The following SPIDR variants were observed in gnomAD, a reference collection of about 807,000 sequenced individuals.
The protein encoded by SPIDR is scaffold protein involved in DNA repair.
In SPIDR, 93 loss-of-function variants were observed where a neutral mutation model predicts 104.6. The observed-to-expected ratio is 0.89, with a 90% CI of 0.75 to 1.06. The LOEUF (loss-of-function observed/expected upper bound fraction) is 1.06. Ranked by LOEUF, SPIDR falls within the 50% of genes least tolerant of loss-of-function variation. The pLI is 0.00. For synonymous variants in SPIDR, 431 were observed against 416.9 expected (o/e 1.03, Z -0.41); for missense variants, 1,154 against 1,111.2 (o/e 1.04, Z -0.55).
chr8:47,393,461 T>C (rs1254273636), intron 5 of SPIDR, among the ~76,000 whole-genome samples: 2 of 152,120 alleles, frequency 1.3e-5, no homozygotes, highest in Admixed American at 6.6e-5. Context: ...TCTGAGGTTG[T>C]TGGCTCCTGC....
At chr8:47,422,363 G>A (rs554666281) in intron 7 of SPIDR, among the ~76,000 whole-genome samples, 2 of 152,302 alleles carry the variant, frequency 1.3e-5, no homozygotes, top group Admixed American at 1.3e-4. Flanking sequence ...TCAGACTGCT[G>A]TGCTAGCAAT....
intron 2 of SPIDR, among the ~76,000 whole-genome samples, chr8:47,282,537 C>T (rs1219374171): frequency 3.9e-5 from 6 of 152,342 alleles, no homozygotes; most frequent in African/African-American, 1.4e-4. Context: ...CTTTTCTTCT[C>T]CAGCTTCTTC....
At position 47,290,041 on chromosome 8, in the gene SPIDR, T is replaced by TTG. The variant is rs782547183; in HGVS notation, c.257-977_257-976dup. Among the ~76,000 whole-genome samples, 1,493 of 151,728 alleles carry TTG rather than the reference T, an allele frequency of 9.8e-3. 11 individuals are homozygous for TTG. The highest frequency in any genetic ancestry group is 0.016 in the Non-Finnish European group (1,073 of 67,854). On this transcript the variant is annotated intron_variant, in intron 3 of 19. Coordinates refer to ENST00000297423, the MANE Select transcript of SPIDR (RefSeq NM_001080394.4). The stretch of plus-strand genomic sequence containing the variant: ...TAGTGATTTTATTTATATAACCTTT[T>TTG]TGTGTGTGTGTGTGTGAGATGGAGT...
Position 47,320,357 on chromosome 8 carries a change from A to G in SPIDR, c.525+26327A>G, listed in dbSNP as rs557427577. Among the ~76,000 whole-genome samples the G allele has an allele frequency of 3.1e-3, 466 of 152,336 alleles. 1 individual carries two copies. The highest frequency in any genetic ancestry group is 0.011 in the African/African-American group (452 of 41,576). On this transcript the variant is annotated intron_variant, in intron 5 of 19. Transcript: ENST00000297423. ...AAACTAGAAAATCTAGAAGAAATGG[A>G]TACATTCCTGGACACATACACCCTC...
At chr8:47,513,559 A>G (rs937376873) in intron 8 of SPIDR, among the ~76,000 whole-genome samples, 10 of 152,226 alleles carry the variant, frequency 6.6e-5, no homozygotes, top group South Asian at 2.1e-4. Flanking sequence ...ACTTCCTGTT[A>G]TACATTGAAA....
chr8:47,398,757 G>C (rs2061519501), intron 6 of SPIDR, among the ~76,000 whole-genome samples: 1 of 152,228 alleles, frequency 6.6e-6, no homozygotes. Context: ...AGGAGATCCA[G>C]TGCTGGGCGA....
intron 10 of SPIDR, among the ~76,000 whole-genome samples, chr8:47,608,331 A>C (rs919142372): frequency 6.6e-6 from 1 of 152,122 alleles, no homozygotes; most frequent in Non-Finnish European, 1.5e-5. Flanking sequence ...ACCATATTTT[A>C]TTTCTCTTTT....
At chr8:47,598,863 T>A (rs2061929595) in intron 9 of SPIDR, 83 bp from the exon 10 acceptor site, 1 of 1,548,348 alleles carries the variant, frequency 6.5e-7, no homozygotes, top group Non-Finnish European at 8.8e-7. Flanking sequence ...ATGTCATTAT[T>A]TGGTGTGCAG....
At chr8:47,388,843 C>T (rs79293074) in intron 5 of SPIDR, among the ~76,000 whole-genome samples, 4,702 of 152,288 alleles carry the variant, frequency 0.031, 205 homozygotes, top group African/African-American at 0.1. Context: ...GGAAACGGAG[C>T]CAGTATTGAA....
intron 5 of SPIDR, among the ~76,000 whole-genome samples, chr8:47,377,455 G>A (rs910571894): frequency 1.3e-5 from 2 of 152,174 alleles, no homozygotes; most frequent in Non-Finnish European, 2.9e-5. Context: ...AGGAGACCAG[G>A]CACAAGCCTC....
At chr8:47,295,274 G>C (rs1191305096) in intron 5 of SPIDR, among the ~76,000 whole-genome samples, 1 of 152,002 alleles carries the variant, frequency 6.6e-6, no homozygotes, top group Non-Finnish European at 1.5e-5. Flanking sequence ...TGTCATTTCT[G>C]TGTCTATTTG....
At chr8:47,594,264 A>G (rs1159559715) in intron 8 of SPIDR, among the ~76,000 whole-genome samples, 1 of 146,548 alleles carries the variant, frequency 6.8e-6, no homozygotes, top group African/African-American at 2.5e-5. Context: ...AGTCCCAGCT[A>G]TTTGGGAGGC....
rs922168814 is a variant in SPIDR at position 47,735,762 on chromosome 8, C to T, written c.*312C>T. ...ATATGAGAAAAAAATTTTTTTTGTT[C>T]ATTTGTAATTTTAACAAGTTGAACA... On this transcript the variant is annotated 3_prime_UTR_variant, in exon 20 of 20. Coordinates refer to ENST00000297423, the MANE Select transcript of SPIDR (RefSeq NM_001080394.4). 1 of 534,260 alleles carries T rather than the reference C, an allele frequency of 1.9e-6. No individual in the cohort carries two copies. The highest frequency in any genetic ancestry group is 3.3e-6 in the Non-Finnish European group (1 of 306,846). The allele number at this position is 534,260 out of a possible 1,614,324, so 33.1% of individuals were successfully genotyped here. A position where few individuals can be genotyped will look rare whatever the true frequency, so the allele number is the denominator to read the frequency against.
intron 8 of SPIDR, among the ~76,000 whole-genome samples, chr8:47,560,480 G>A (rs1157028784): frequency 6.6e-6 from 1 of 152,112 alleles, no homozygotes; most frequent in Non-Finnish European, 1.5e-5. Flanking sequence ...TCAGTTCCCT[G>A]AAAAGCCTTC....
intron 11 of SPIDR, among the ~76,000 whole-genome samples, chr8:47,695,573 T>C (rs987747783): frequency 1.3e-5 from 2 of 152,276 alleles, no homozygotes; most frequent in East Asian, 1.9e-4. Context: ...TGAGAGTTAG[T>C]TGGATGAGAC....
At chr8:47,676,509 A>G (rs2076466701) in intron 11 of SPIDR, among the ~76,000 whole-genome samples, 1 of 131,678 alleles carries the variant, frequency 7.6e-6, no homozygotes, top group Admixed American at 8.2e-5. Context: ...TAAACACAAC[A>G]TTCTCTCTCT....
intron 5 of SPIDR, among the ~76,000 whole-genome samples, chr8:47,381,842 A>G (rs1482639018): frequency 6.6e-6 from 1 of 152,260 alleles, no homozygotes; most frequent in African/African-American, 2.4e-5. Context: ...TTGTTTTTGC[A>G]TGAAATATGA....
At chr8:47,734,673 T>C (rs2085876222) in intron 19 of SPIDR, among the ~76,000 whole-genome samples, 1 of 152,164 alleles carries the variant, frequency 6.6e-6, no homozygotes, top group Non-Finnish European at 1.5e-5. Context: ...CGCAACAGCA[T>C]TCTGCAGCTT....
At chr8:47,705,767 G>C (rs1242808671) in intron 14 of SPIDR, among the ~76,000 whole-genome samples, 2 of 152,100 alleles carry the variant, frequency 1.3e-5, no homozygotes, top group Non-Finnish European at 1.5e-5. Context: ...AGCCAGGCAT[G>C]GTGCTGCATG....
Sources: gnomAD v4.1 joint callset for allele counts (sites outside exome capture counted in the v4.1 genomes callset) on GRCh38, gnomAD v4.1.1 for gene constraint, MANE v1.5 for transcripts, NCBI Gene and HGNC (gene_info 2026-07-23, HGNC 2026-07-21) for gene names.